NRXN1: variants seen among roughly 807,000 people sequenced by gnomAD.
The protein encoded by NRXN1 is neurexin 1.
Under a neutral mutation model 150.9 loss-of-function variants are expected in NRXN1, and 39 were observed. That is an observed-to-expected ratio of 0.26 (90% CI 0.20 to 0.34). The LOEUF is 0.34. NRXN1 is among the 10% of genes least tolerant of loss of function. The probability of loss-of-function intolerance (pLI) is 1.00; values close to 1 mark genes in which losing one functional copy is unlikely to be tolerated. For synonymous variants in NRXN1, 924 were observed against 757.0 expected, an observed-to-expected ratio of 1.22 and a Z score of -3.62; for missense variants, 1,815 against 1,949.9, an observed-to-expected ratio of 0.93 and a Z score of 1.30.
Position 50,221,398 on chromosome 2 carries a change from C to T in NRXN1, c.3546+15391G>A, listed in dbSNP as rs187452715. Among the ~76,000 whole-genome samples the T allele has an allele frequency of 2.0e-5, 3 of 152,066 alleles. No individual in the cohort carries two copies. The East Asian group carries it at 5.8e-4, about 30-fold the overall frequency. ...CTGTTAGTGAATATAATATAGACAG[C>T]CACGGCATTAACAAATATTCTTAAT... On this transcript the variant is annotated intron_variant, in intron 18 of 22. Coordinates refer to ENST00000401669, the MANE Select transcript of NRXN1 (RefSeq NM_001330078.2).
chr2:50,329,368 T>C (rs2076593127), intron 17 of NRXN1, among the ~76,000 whole-genome samples: 2 of 151,458 alleles, frequency 1.3e-5, no homozygotes, highest in Admixed American at 1.3e-4. Flanking sequence ...TTTTTTTTCT[T>C]ATAAAATGAT....
intron 18 of NRXN1, among the ~76,000 whole-genome samples, chr2:50,098,866 T>TAG (rs1558874986): frequency 9.3e-6 from 1 of 107,656 alleles, no homozygotes; most frequent in East Asian, 2.9e-4. Context: ...TTTTTTTTTT[T>TAG]TTTTTTTTTT....
At chr2:50,922,584 G>T in intron 4 of NRXN1, 74 bp downstream of exon 4, 1 of 1,389,958 alleles carries the variant, frequency 7.2e-7, no homozygotes, top group Non-Finnish European at 1.0e-6. Flanking sequence ...CCCATCCTTT[G>T]CAGTGATGGT....
At position 50,549,594 on chromosome 2, in the gene NRXN1, C is replaced by T. The variant is rs557882358; in HGVS notation, c.1759+2993G>A. Among the ~76,000 whole-genome samples, 8 of 152,172 alleles carry T rather than the reference C, an allele frequency of 5.3e-5. No individual in the cohort carries two copies. In the East Asian group the frequency reaches 5.8e-4, roughly 11 times the overall value. On this transcript the variant is annotated intron_variant, in intron 9 of 22. Transcript: ENST00000401669. ...AGATGCAAACAACACTTCCTTAGAA[C>T]GTGTTTCTGTTCTTCCCATACAGAA...
chr2:50,598,584 A>G (rs1483678341), intron 8 of NRXN1, among the ~76,000 whole-genome samples: 3 of 149,020 alleles, frequency 2.0e-5, no homozygotes, highest in African/African-American at 7.4e-5. Flanking sequence ...GTGTGTATAT[A>G]TATGTATATA....
chr2:50,986,982 C>T (rs2104945402), intron 2 of NRXN1, among the ~76,000 whole-genome samples: 1 of 151,898 alleles, frequency 6.6e-6, no homozygotes, highest in South Asian at 2.1e-4. Flanking sequence ...GAATGGAGGA[C>T]TCTTTTCCAT....
chr2:50,584,591 T>C lies in NRXN1; in HGVS notation c.1321-31566A>G, dbSNP rs138655618. On this transcript the variant is annotated intron_variant, in intron 8 of 22. Coordinates refer to ENST00000401669, the MANE Select transcript of NRXN1 (RefSeq NM_001330078.2). ...AAGATAAATATGATGAGCTATTCTATGTTGACATCAAATGACTTAGCAAAG... is the reference window on the plus strand; with the variant it reads ...AAGATAAATATGATGAGCTATTCTACGTTGACATCAAATGACTTAGCAAAG... 5.0e-3 allele frequency among the ~76,000 whole-genome samples: 759 copies of C among 152,324 alleles called. 5 individuals carry two copies. The highest frequency in any genetic ancestry group is 0.017 in the African/African-American group (718 of 41,574).
chr2:50,636,531 A>G (rs560014808), intron 5 of NRXN1, among the ~76,000 whole-genome samples: 58 of 152,334 alleles, frequency 3.8e-4, no homozygotes, highest in African/African-American at 1.3e-3. Context: ...ATTCTGTGCC[A>G]AACTCAATTG....
chr2:50,624,108 G>A (rs542479272), intron 5 of NRXN1, among the ~76,000 whole-genome samples: 14 of 152,060 alleles, frequency 9.2e-5, no homozygotes, highest in East Asian at 3.9e-4. Context: ...GTTTATTGCC[G>A]CACTATTCAC....
chr2:50,695,946 G>A lies in NRXN1; in HGVS notation c.833-72331C>T, dbSNP rs527321730. ...CAACCTCTGCCCTCCAGCTTCAAGCGATTCTTCTGTCTCAGCCTCCCAAGC... is the reference window on the plus strand; with the variant it reads ...CAACCTCTGCCCTCCAGCTTCAAGCAATTCTTCTGTCTCAGCCTCCCAAGC... On this transcript the variant is annotated intron_variant, in intron 5 of 22. Coordinates refer to ENST00000401669, the MANE Select transcript of NRXN1 (RefSeq NM_001330078.2). 3.2e-4 allele frequency among the ~76,000 whole-genome samples: 48 copies of A among 150,290 alleles called. No homozygotes were observed. In the South Asian group the frequency reaches 9.7e-3, roughly 30 times the overall value.
At chr2:50,858,092 A>AT (rs113571564) in intron 5 of NRXN1, among the ~76,000 whole-genome samples, 36,842 of 149,170 alleles carry the variant, frequency 0.25, 5,574 homozygotes, top group Non-Finnish European at 0.36. Flanking sequence ...ACCCAAATAG[A>AT]TTTTTTTTTT....
intron 5 of NRXN1, among the ~76,000 whole-genome samples, chr2:50,828,778 C>T (rs1461755013): frequency 6.6e-6 from 1 of 151,666 alleles, no homozygotes; most frequent in African/African-American, 2.4e-5. Flanking sequence ...CCTCATGTCC[C>T]AGACGATAGG....
At chr2:51,007,214 A>G (rs918982733) in intron 2 of NRXN1, among the ~76,000 whole-genome samples, 6 of 151,966 alleles carry the variant, frequency 3.9e-5, no homozygotes, top group Non-Finnish European at 4.4e-5. Context: ...TGTTTTTCAG[A>G]TAATTATCAG....
chr2:50,249,331 G>C (rs1338316476), intron 17 of NRXN1, among the ~76,000 whole-genome samples: 3 of 152,068 alleles, frequency 2.0e-5, no homozygotes, highest in South Asian at 2.1e-4. Context: ...AGATGGCTTA[G>C]AGAGGTGGCA....
At chr2:50,266,004 T>TA (rs557153125) in intron 17 of NRXN1, among the ~76,000 whole-genome samples, 156 of 37,356 alleles carry the variant, frequency 4.2e-3, no homozygotes, top group African/African-American at 0.014. Context: ...TATTATTTAT[T>TA]TTTTTTTTTT....
intron 17 of NRXN1, among the ~76,000 whole-genome samples, chr2:50,416,412 G>A (rs1328524553): frequency 1.3e-5 from 2 of 152,082 alleles, no homozygotes; most frequent in Non-Finnish European, 2.9e-5. Flanking sequence ...CCCTCTACCA[G>A]TCCCAGGTGA....
intron 18 of NRXN1, among the ~76,000 whole-genome samples, chr2:50,146,151 A>T (rs1707979262): frequency 6.6e-6 from 1 of 151,688 alleles, no homozygotes. Context: ...AGTTATAATT[A>T]CCATGATTCA....
At chr2:50,241,694 A>G (rs1442181321) in intron 17 of NRXN1, among the ~76,000 whole-genome samples, 2 of 151,842 alleles carry the variant, frequency 1.3e-5, no homozygotes, top group Admixed American at 6.6e-5. Flanking sequence ...GGGCTCCCGT[A>G]TCTCTTGTTT....
chr2:50,906,217 C>A (rs899757419), intron 5 of NRXN1, among the ~76,000 whole-genome samples: 1 of 152,062 alleles, frequency 6.6e-6, no homozygotes, highest in African/African-American at 2.4e-5. Context: ...GAATTACATA[C>A]GAGGAGAAAA....
Sources: gnomAD v4.1 joint callset for allele counts (sites outside exome capture counted in the v4.1 genomes callset) on GRCh38, gnomAD v4.1.1 for gene constraint, MANE v1.5 for transcripts, NCBI Gene and HGNC (gene_info 2026-07-23, HGNC 2026-07-21) for gene names.